The following ICA1L variants were observed in gnomAD, a reference collection of about 807,000 sequenced individuals.
ICA1L encodes the protein islet cell autoantigen 1-like protein.
Under a neutral mutation model 61.3 loss-of-function variants are expected in ICA1L, and 50 were observed. That is an observed-to-expected ratio of 0.82 (90% confidence interval 0.65 to 1.03). The LOEUF is 1.03. ICA1L is among the 50% of genes least tolerant of loss of function. The pLI is 0.00. For missense variants in ICA1L, 508 were observed against 556.7 expected (o/e 0.91, Z 0.88); for synonymous variants, 161 against 191.3 (o/e 0.84, Z 1.31).
intron 1 of ICA1L, among the ~76,000 whole-genome samples, chr2:202,838,035 A>G (rs1694203714): frequency 6.6e-6 from 1 of 151,898 alleles, no homozygotes; most frequent in South Asian, 2.1e-4. Context: ...TTGTATTTTT[A>G]GTAAGGCGGG....
At chr2:202,847,570 T>G (rs932103465) in intron 1 of ICA1L, among the ~76,000 whole-genome samples, 1 of 151,984 alleles carries the variant, frequency 6.6e-6, no homozygotes. Flanking sequence ...AATGGATTGT[T>G]ATAAGAATTA....
intron 1 of ICA1L, among the ~76,000 whole-genome samples, chr2:202,847,417 A>C (rs567954930): frequency 6.6e-6 from 1 of 152,256 alleles, no homozygotes; most frequent in African/African-American, 2.4e-5. Context: ...TGTAGTAATA[A>C]AAAATTGTTT....
chr2:202,825,417 C>T, intron 3 of ICA1L: 1 of 586,418 alleles, frequency 1.7e-6, no homozygotes, highest in South Asian at 3.3e-5. Flanking sequence ...CTGTAGTGAG[C>T]TGTGATTGCA....
At chr2:202,803,363 T>C (rs1302092905) in intron 9 of ICA1L, among the ~76,000 whole-genome samples, 1 of 124,366 alleles carries the variant, frequency 8.0e-6, no homozygotes, top group Non-Finnish European at 1.6e-5. Flanking sequence ...TTTGCACCAC[T>C]GCACTCCAGC....
chr2:202,863,600 G>A (rs1050775499), intron 1 of ICA1L, among the ~76,000 whole-genome samples: 3 of 151,974 alleles, frequency 2.0e-5, no homozygotes, highest in Admixed American at 6.5e-5. Flanking sequence ...TGAGGTGGGC[G>A]GATCACGAGG....
chr2:202,860,721 T>C (rs1042527437), intron 1 of ICA1L, among the ~76,000 whole-genome samples: 2 of 151,696 alleles, frequency 1.3e-5, no homozygotes, highest in Non-Finnish European at 2.9e-5. Flanking sequence ...CATTGCACTG[T>C]AGCTTAGGCA....
Position 202,789,032 on chromosome 2 carries a change from G to C in ICA1L, c.1041C>G (p.Phe347Leu), listed in dbSNP as rs1692670552. ...AACTTAGGAGGTTGTTCAGAAATGA[G>C]AATTCCTTCTCAAAATCTTCTCCTT... Reference protein sequence around the residue: ...SLEGEDFEKEFSFLNNLLSSG... With the variant: ...SLEGEDFEKELSFLNNLLSSG... The change falls in exon 11 of 13, where the codon TTC becomes TTG. Residue 347 changes from phenylalanine to leucine, a missense_variant. Physicochemically the swap from Phe to Leu is conservative, Grantham distance 22. Transcript: ENST00000358299. 1.9e-6 allele frequency: 3 copies of C among 1,612,902 alleles called. No homozygotes were observed. In the East Asian group the frequency reaches 6.7e-5, roughly 36 times the overall value.
Position 202,779,338 on chromosome 2 carries a change from G to A in ICA1L, c.*195C>T, listed in dbSNP as rs1692322132. On this transcript the variant is annotated 3_prime_UTR_variant, in exon 13 of 13. Coordinates refer to ENST00000358299, the MANE Select transcript of ICA1L (RefSeq NM_001288622.3). ...TAATATTTTCCACATAGTACCAACA[G>A]CTGCAAATCCAAGATATGAAAGATG... 2 of 438,936 alleles carry A rather than the reference G, an allele frequency of 4.6e-6. No individual in the cohort carries two copies. The allele number at this position is 438,936 out of a possible 1,614,324, so 27.2% of individuals were successfully genotyped here.
intron 2 of ICA1L, 144 bp downstream of exon 2, chr2:202,828,700 CTGAT>C: frequency 2.9e-6 from 2 of 698,352 alleles, no homozygotes; most frequent in South Asian, 3.9e-5. Context: ...ATTCAGAGCT[CTGAT>C]TGACAGATGG....
intron 1 of ICA1L, among the ~76,000 whole-genome samples, chr2:202,852,098 T>A (rs750268210): frequency 6.6e-6 from 1 of 152,214 alleles, no homozygotes; most frequent in Non-Finnish European, 1.5e-5. Flanking sequence ...ATGTCCTGAA[T>A]GGTATTGCCT....
chr2:202,860,337 A>G (rs1447912334), intron 1 of ICA1L: 1 of 151,246 alleles, frequency 6.6e-6, no homozygotes, highest in Non-Finnish European at 1.5e-5. Flanking sequence ...AGGAACACCA[A>G]TATGGTTGAT....
At chr2:202,850,786 G>C (rs1694594265) in intron 1 of ICA1L, among the ~76,000 whole-genome samples, 1 of 152,084 alleles carries the variant, frequency 6.6e-6, no homozygotes, top group Non-Finnish European at 1.5e-5. Flanking sequence ...GAAATACAGA[G>C]AACACCACTT....
At chr2:202,839,595 TG>T (rs1168116414) in intron 1 of ICA1L, among the ~76,000 whole-genome samples, 2 of 148,076 alleles carry the variant, frequency 1.4e-5, no homozygotes, top group Non-Finnish European at 3.0e-5. Flanking sequence ...TGTGTGTGTG[TG>T]TGTGTGTGTG....
At chr2:202,787,240 T>C (rs935227148) in intron 11 of ICA1L, among the ~76,000 whole-genome samples, 1 of 152,246 alleles carries the variant, frequency 6.6e-6, no homozygotes, top group African/African-American at 2.4e-5. Context: ...TAAATGGGAA[T>C]ATCCTGTCTG....
intron 1 of ICA1L, among the ~76,000 whole-genome samples, chr2:202,862,374 G>A (rs889144435): frequency 1.3e-5 from 2 of 149,740 alleles, no homozygotes; most frequent in African/African-American, 2.5e-5. Flanking sequence ...GATCACTTGA[G>A]CCCAGGAAGT....
intron 11 of ICA1L, among the ~76,000 whole-genome samples, chr2:202,787,017 G>T (rs1233732843): frequency 1.3e-5 from 2 of 152,198 alleles, no homozygotes; most frequent in Non-Finnish European, 2.9e-5. Context: ...TGTAGACAGG[G>T]TTCCTCAAAC....
At chr2:202,839,674 A>G (rs1694268120) in intron 1 of ICA1L, among the ~76,000 whole-genome samples, 1 of 150,246 alleles carries the variant, frequency 6.7e-6, no homozygotes, top group Non-Finnish European at 1.5e-5. Flanking sequence ...GAAGAATTTA[A>G]TCTATTTACA....
At chr2:202,860,501 C>T (rs1299956607) in intron 1 of ICA1L, among the ~76,000 whole-genome samples, 1 of 152,114 alleles carries the variant, frequency 6.6e-6, no homozygotes, top group African/African-American at 2.4e-5. Context: ...CGCCTGTAAT[C>T]CCAGCACTTT....
At chr2:202,804,978 G>GA (rs1165584272) in intron 9 of ICA1L, among the ~76,000 whole-genome samples, 4 of 152,168 alleles carry the variant, frequency 2.6e-5, no homozygotes, top group Admixed American at 1.3e-4. Context: ...GAATGATAAT[G>GA]AAAATACTAT....
Sources: allele counts gnomAD v4.1 joint callset (sites outside exome capture counted in the v4.1 genomes callset), GRCh38; gene constraint gnomAD v4.1.1; transcripts MANE v1.5; gene names NCBI Gene and HGNC (gene_info 2026-07-23, HGNC 2026-07-21).